Variants in PRSS38 observed in about 807,000 individuals in gnomAD.
The protein encoded by PRSS38 is serine protease 38.
In PRSS38, 22 loss-of-function variants were observed where a neutral mutation model predicts 26.8. That is an observed-to-expected ratio of 0.82 (90% CI 0.59 to 1.17). The LOEUF is 1.17. PRSS38 is among the 50% of genes most tolerant of loss of function. PRSS38 has a pLI of 0.00. For synonymous variants in PRSS38, 175 were observed against 172.1 expected (o/e 1.02, Z -0.13); for missense variants, 427 against 422.7 (o/e 1.01, Z -0.09).
Position 227,845,506 on chromosome 1 carries a change from C to T in PRSS38, c.620C>T (p.Pro207Leu), listed in dbSNP as rs150655378. 9.5e-5 allele frequency: 154 copies of T among 1,612,682 alleles called. No homozygotes were observed. The African/African-American group carries it at 1.5e-3, about 16-fold the overall frequency. ...GACGAGCTGCAGGAGATGCAGCTCCCGCTGATCCTGGAGCCCTGGTGCCAC... is the reference window on the plus strand; with the variant it reads ...GACGAGCTGCAGGAGATGCAGCTCCTGCTGATCCTGGAGCCCTGGTGCCAC... The change falls in exon 4 of 5, where the codon CCG becomes CTG. Residue 207 changes from proline to leucine, a missense_variant. Coordinates refer to ENST00000366757, the Ensembl canonical transcript of PRSS38.
At chr1:227,817,797 G>A (rs922492200) in intron 3 of PRSS38, among the ~76,000 whole-genome samples, 30 of 152,134 alleles carry the variant, frequency 2.0e-4, no homozygotes, top group Admixed American at 1.4e-3. Flanking sequence ...TCTAAAAACC[G>A]TTTGTTATTA....
chr1:227,845,407 C>CGGGG (rs1558239194), intron 3 of PRSS38, 63 bp from the exon 4 acceptor site: 126 of 1,175,312 alleles, frequency 1.1e-4, no homozygotes, highest in Non-Finnish European at 1.3e-4. Context: ...CACTGTGGGG[C>CGGGG]AGGGATCCCC....
In PRSS38 at chr1:227,845,458, C is replaced by T. The variant is rs890100333; in HGVS notation, c.584-12C>T. The T allele has an allele frequency of 6.2e-7, 1 of 1,604,608 alleles. No individual in the cohort carries two copies. Among genetic ancestry groups the T allele is most frequent in the Non-Finnish European group, 8.5e-7 (1 of 1,176,972 alleles). On this transcript the variant is annotated splice_polypyrimidine_tract_variant and intron_variant, in intron 3 of 4. Coordinates refer to ENST00000366757, the Ensembl canonical transcript of PRSS38. ...CAGGTGCTGCCCCCTCACGGGAGCC[C>T]TCCTCCCACAGGTGAGACCTCAGAC... is the stretch of plus-strand genomic sequence containing the variant.
intron 3 of PRSS38, among the ~76,000 whole-genome samples, chr1:227,842,577 G>C (rs561059806): frequency 1.5e-3 from 230 of 151,828 alleles, no homozygotes; most frequent in Middle Eastern, 3.4e-3. Flanking sequence ...TTCTCTGAGG[G>C]AACTTCTTTT....
At chr1:227,819,756 A>G (rs552737860) in intron 3 of PRSS38, among the ~76,000 whole-genome samples, 1 of 152,314 alleles carries the variant, frequency 6.6e-6, no homozygotes, top group African/African-American at 2.4e-5. Context: ...TGCTTTCATA[A>G]CTATCTTTTT....
At chr1:227,829,510 G>A (rs958046550) in intron 3 of PRSS38, among the ~76,000 whole-genome samples, 21 of 151,748 alleles carry the variant, frequency 1.4e-4, no homozygotes, top group African/African-American at 4.8e-4. Context: ...CTTGCTCATG[G>A]GCCTTAGGCA....
At chr1:227,845,562 C>T (rs752607636) in exon 4 of PRSS38, 1 of 1,613,676 alleles carries the variant, frequency 6.2e-7, no homozygotes. Context: ...CTACATCATG[C>T]CCGACATGCT....
intron 3 of PRSS38, among the ~76,000 whole-genome samples, chr1:227,843,463 G>T (rs1572091950): frequency 6.6e-6 from 1 of 152,340 alleles, no homozygotes; most frequent in South Asian, 2.1e-4. Context: ...AGCACTTTGG[G>T]AGGCTGAGAT....
At chr1:227,837,885 C>T (rs1665260659) in intron 3 of PRSS38, among the ~76,000 whole-genome samples, 1 of 152,106 alleles carries the variant, frequency 6.6e-6, no homozygotes, top group Non-Finnish European at 1.5e-5. Flanking sequence ...CAAATATTTT[C>T]TACCGCACTG....
chr1:227,825,700 CTT>C (rs777140632), intron 3 of PRSS38, among the ~76,000 whole-genome samples: 1 of 152,072 alleles, frequency 6.6e-6, no homozygotes, highest in Non-Finnish European at 1.5e-5. Context: ...GGTGTGCAGT[CTT>C]ATTTCTGAGT....
chr1:227,833,118 T>G (rs1665180089), intron 3 of PRSS38, among the ~76,000 whole-genome samples: 1 of 152,194 alleles, frequency 6.6e-6, no homozygotes, highest in Non-Finnish European at 1.5e-5. Flanking sequence ...CCCAAAGTGA[T>G]CTACAAACAC....
chr1:227,846,068 G>A (rs750175996), exon 5 of PRSS38: 10 of 1,614,242 alleles, frequency 6.2e-6, no homozygotes, highest in Non-Finnish European at 8.5e-6. Flanking sequence ...GTATGCCAGT[G>A]TTTCCTATTT....
At chr1:227,815,705 G>A (rs904089521) in exon 1 of PRSS38, 2 of 1,571,624 alleles carry the variant, frequency 1.3e-6, no homozygotes, top group Non-Finnish European at 1.7e-6. Context: ...TGGGGGCGCT[G>A]CCTCGAGCCT....
At chr1:227,821,815 A>G (rs1032861841) in intron 3 of PRSS38, among the ~76,000 whole-genome samples, 28 of 152,132 alleles carry the variant, frequency 1.8e-4, no homozygotes, top group Admixed American at 1.4e-3. Context: ...GTTGGGGGTT[A>G]TTTGAGTTTA....
intron 4 of PRSS38, 37 bp downstream of exon 4, chr1:227,845,649 G>A: frequency 6.3e-7 from 1 of 1,598,416 alleles, no homozygotes; most frequent in Non-Finnish European, 8.6e-7. Flanking sequence ...GAGGTCATGG[G>A]TGCCCTGTGC....
At chr1:227,844,412 G>A (rs1239593388) in intron 3 of PRSS38, among the ~76,000 whole-genome samples, 2 of 151,982 alleles carry the variant, frequency 1.3e-5, no homozygotes, top group Admixed American at 6.6e-5. Flanking sequence ...CCTCTGAGTG[G>A]TCAGGGTTCC....
At chr1:227,837,424 C>T (rs1339437875) in intron 3 of PRSS38, among the ~76,000 whole-genome samples, 1 of 152,124 alleles carries the variant, frequency 6.6e-6, no homozygotes. Flanking sequence ...ATATCAGCTG[C>T]TCATCCTTCT....
intron 3 of PRSS38, among the ~76,000 whole-genome samples, chr1:227,833,788 T>C (rs552948758): frequency 6.6e-6 from 1 of 152,306 alleles, no homozygotes; most frequent in African/African-American, 2.4e-5. Flanking sequence ...CTTCATACCA[T>C]ATACAAAATT....
exon 1 of PRSS38, chr1:227,815,787 T>C: frequency 6.2e-7 from 1 of 1,612,482 alleles, no homozygotes; most frequent in Non-Finnish European, 8.5e-7. Context: ...CTGCTCCTGG[T>C]GGTGGCCCCT....
Sources: allele counts gnomAD v4.1 joint callset (sites outside exome capture counted in the v4.1 genomes callset), GRCh38; gene constraint gnomAD v4.1.1; transcripts MANE v1.5; gene names NCBI Gene and HGNC (gene_info 2026-07-23, HGNC 2026-07-21).